PEPD: variants seen among roughly 807,000 people sequenced by gnomAD.
The protein encoded by PEPD is xaa-Pro dipeptidase.
A neutral mutation model predicts 60.7 loss-of-function variants in PEPD; 53 were observed. The observed-to-expected ratio is 0.87, with a 90% CI of 0.70 to 1.10. The LOEUF (loss-of-function observed/expected upper bound fraction) is 1.10. Ranked by LOEUF, PEPD falls within the 50% of genes least tolerant of loss-of-function variation. The pLI is 0.00. For synonymous variants in PEPD, 267 were observed against 284.1 expected (o/e 0.94, Z 0.60); for missense variants, 711 against 711.9 (o/e 1.00, Z 0.01).
In PEPD at chr19:33,490,128, T is replaced by C. The variant is rs957464473; in HGVS notation, c.442-71A>G. 6 of 1,049,910 alleles carry C rather than the reference T, an allele frequency of 5.7e-6. No individual in the cohort carries two copies. In the African/African-American group the frequency reaches 9.4e-5, roughly 16 times the overall value. 65.0% of individuals were successfully genotyped at this position (1,049,910 alleles called of 1,614,324 possible). A position where few individuals can be genotyped will look rare whatever the true frequency, so the allele number is the denominator to read the frequency against. ...CCCCACAGCCTGCACCCCTGAGGCC[T>C]CCAGCTAGGCTCAGGACAGGTAAGA... On this transcript the variant is annotated intron_variant, in intron 5 of 14. Transcript: ENST00000244137.
chr19:33,422,058 C>T (rs1047515261), intron 9 of PEPD, among the ~76,000 whole-genome samples: 11 of 152,088 alleles, frequency 7.2e-5, no homozygotes, highest in Admixed American at 1.3e-4. Context: ...GGCTTCCCAT[C>T]GGCAGCCCAC....
At chr19:33,497,504 G>A (rs2145329840) in intron 4 of PEPD, among the ~76,000 whole-genome samples, 1 of 152,338 alleles carries the variant, frequency 6.6e-6, no homozygotes, top group Admixed American at 6.5e-5. Context: ...GGGGAGGAGG[G>A]AACCTCGGAG....
At chr19:33,515,438 T>C (rs974168567) in intron 1 of PEPD, among the ~76,000 whole-genome samples, 22 of 152,052 alleles carry the variant, frequency 1.4e-4, no homozygotes, top group African/African-American at 5.3e-4. Flanking sequence ...CGCTCAGCCA[T>C]TGGGATGAAA....
chr19:33,467,249 T>TG (rs34383304), intron 7 of PEPD, among the ~76,000 whole-genome samples: 19,432 of 152,040 alleles, frequency 0.13, 1,621 homozygotes, highest in Non-Finnish European at 0.19. Context: ...GCCCTGGGCT[T>TG]GTGACATCCG....
chr19:33,489,497 C>T (rs1436794064), intron 6 of PEPD, among the ~76,000 whole-genome samples: 3 of 152,074 alleles, frequency 2.0e-5, no homozygotes, highest in South Asian at 2.1e-4. Flanking sequence ...GGTGTAGTGG[C>T]GGGTGCCTGT....
intron 7 of PEPD, 51 bp from the exon 8 acceptor site, chr19:33,464,113 T>C: frequency 7.5e-7 from 1 of 1,337,800 alleles, no homozygotes; most frequent in Non-Finnish European, 1.1e-6. Flanking sequence ...CAGGAGGCAC[T>C]GGCTGGACCC....
chr19:33,454,200 C>A (rs1969753864), intron 9 of PEPD, among the ~76,000 whole-genome samples: 1 of 152,164 alleles, frequency 6.6e-6, no homozygotes, highest in South Asian at 2.1e-4. Flanking sequence ...CAGAAAGACA[C>A]AGGAGTCAAA....
intron 9 of PEPD, among the ~76,000 whole-genome samples, chr19:33,450,350 C>T (rs1162834192): frequency 6.6e-6 from 1 of 152,206 alleles, no homozygotes; most frequent in South Asian, 2.1e-4. Context: ...GACAGATCCT[C>T]AGGAAATACT....
chr19:33,413,099 AC>A (rs1388410934), intron 10 of PEPD, among the ~76,000 whole-genome samples: 1 of 152,170 alleles, frequency 6.6e-6, no homozygotes, highest in African/African-American at 2.4e-5. Flanking sequence ...TGACATGCAC[AC>A]CCACATACAG....
chr19:33,453,072 G>A (rs1443901899), intron 9 of PEPD, among the ~76,000 whole-genome samples: 2 of 151,762 alleles, frequency 1.3e-5, no homozygotes, highest in Non-Finnish European at 2.9e-5. Context: ...CTATAATCCC[G>A]GCACTTCGGG....
chr19:33,453,372 C>T (rs983521394), intron 9 of PEPD, among the ~76,000 whole-genome samples: 7 of 149,450 alleles, frequency 4.7e-5, no homozygotes, highest in African/African-American at 1.8e-4. Flanking sequence ...CATAAGGATG[C>T]TTAGTGGATG....
At chr19:33,393,492 C>T (rs1166313641) in intron 12 of PEPD, among the ~76,000 whole-genome samples, 2 of 148,400 alleles carry the variant, frequency 1.3e-5, no homozygotes, top group African/African-American at 2.6e-5. Context: ...CCCCCGCCTC[C>T]GTGAGCCTCA....
chr19:33,446,382 G>T (rs1049336507), intron 9 of PEPD, among the ~76,000 whole-genome samples: 1 of 152,202 alleles, frequency 6.6e-6, no homozygotes, highest in African/African-American at 2.4e-5. Context: ...AGCCAACACT[G>T]GGGAGAGACG....
intron 4 of PEPD, among the ~76,000 whole-genome samples, chr19:33,493,693 G>A (rs572774547): frequency 5.3e-5 from 8 of 151,718 alleles, no homozygotes; most frequent in Non-Finnish European, 1.2e-4. Flanking sequence ...TCAAAGACCC[G>A]TCCCCCGGGA....
In PEPD at chr19:33,391,380, T is replaced by G; in HGVS notation, c.1067A>C (p.Gln356Pro). Residue 356 changes from glutamine to proline, a missense_variant, in exon 13 of 15, where the codon CAG (glutamine) becomes CCG (proline). Coordinates refer to ENST00000244137, the MANE Select transcript of PEPD (RefSeq NM_000285.4). ...ILSGSVDAMV[Q>P]AHLGAVFMPH... is the part of the protein sequence containing the mutation. ...CATAAACACGGCCCCCAGGTGAGCC[T>G]GGACCATGGCGTCCACGCTGCCGCT... 4 of 1,605,546 alleles carry G rather than the reference T, an allele frequency of 2.5e-6. No individual in the cohort carries two copies. The highest frequency in any genetic ancestry group is 2.2e-5 in the South Asian group (2 of 89,808).
intron 5 of PEPD, among the ~76,000 whole-genome samples, chr19:33,492,241 C>T (rs1303885544): frequency 6.6e-6 from 1 of 151,958 alleles, no homozygotes; most frequent in Non-Finnish European, 1.5e-5. Context: ...GAGCCCACCT[C>T]GCACCCCCCA....
At chr19:33,462,755 T>C (rs1322063096) in intron 9 of PEPD, among the ~76,000 whole-genome samples, 2 of 152,114 alleles carry the variant, frequency 1.3e-5, no homozygotes, top group African/African-American at 4.8e-5. Context: ...AGTAGAATGG[T>C]GGGGCACTAA....
At chr19:33,478,177 G>A (rs1970257026) in intron 6 of PEPD, 87 bp from the exon 7 acceptor site, 2 of 851,720 alleles carry the variant, frequency 2.3e-6, no homozygotes, top group Non-Finnish European at 4.0e-6. Flanking sequence ...ATGCACACGT[G>A]ATGCATTAAA....
At chr19:33,479,894 T>C (rs190267039) in intron 6 of PEPD, among the ~76,000 whole-genome samples, 1 of 152,372 alleles carries the variant, frequency 6.6e-6, no homozygotes, top group East Asian at 1.9e-4. Context: ...CACATGCATG[T>C]GTTGTTAGAA....
Sources: allele counts gnomAD v4.1 joint callset (sites outside exome capture counted in the v4.1 genomes callset), GRCh38; gene constraint gnomAD v4.1.1; transcripts MANE v1.5; gene names NCBI Gene and HGNC (gene_info 2026-07-23, HGNC 2026-07-21).